The following TRPM4 variants were observed in gnomAD, a reference collection of about 807,000 sequenced individuals.
The protein encoded by TRPM4 is transient receptor potential cation channel subfamily M member 4.
Under a neutral mutation model 135.6 loss-of-function variants are expected in TRPM4, and 124 were observed. The observed-to-expected ratio is 0.91, with a 90% CI of 0.79 to 1.06. The LOEUF is 1.06. Ranked by LOEUF, TRPM4 falls within the 50% of genes least tolerant of loss-of-function variation. TRPM4 has a pLI of 0.00. For synonymous variants in TRPM4, 745 were observed against 705.6 expected, an observed-to-expected ratio of 1.06 and a Z score of -0.88; for missense variants, 1,658 against 1,671.4, an observed-to-expected ratio of 0.99 and a Z score of 0.14.
At chr19:49,193,612 A>G (rs1175801) in intron 16 of TRPM4, among the ~76,000 whole-genome samples, 19,177 of 151,902 alleles carry the variant, frequency 0.13, 1,958 homozygotes, top group African/African-American at 0.28. Context: ...AGATCCCCCC[A>G]GAGAGGCTGG....
chr19:49,168,674 GC>G lies in TRPM4; in HGVS notation c.735del (p.Glu246ArgfsTer32), dbSNP rs1568459962. 6.2e-7 allele frequency: 1 copy of G among 1,612,404 alleles called. No homozygotes were observed. Among genetic ancestry groups the G allele is most frequent in the East Asian group, 2.2e-5 (1 of 44,848 alleles). Reference protein sequence around the residue: ...VDDGTHGCLGGENRFRLRLES... With the variant: ...VDDGTHGCLGXENRFRLRLES... ...GACGGCACACACGGCTGCCTGGGGG[GC>G]GAGAACCGCTTCCGCTTGCGCCTGG... On this transcript the variant is annotated frameshift_variant, in exon 6 of 25. Transcript: ENST00000252826. LOFTEE classifies it high-confidence loss of function.
In TRPM4 at chr19:49,202,140, A is replaced by T. The variant is rs780227965; in HGVS notation, c.3130A>T (p.Ser1044Cys). The T allele has an allele frequency of 4.3e-6, 7 of 1,613,866 alleles. No individual in the cohort carries two copies. Among genetic ancestry groups the T allele is most frequent in the Non-Finnish European group, 5.9e-6 (7 of 1,180,020 alleles). Residue 1044 changes from serine (S) to cysteine (C), a missense_variant and splice_region_variant, in exon 20 of 25, where the codon AGT becomes TGT. By Grantham distance (112) the Ser-to-Cys change is moderately radical. Coordinates refer to ENST00000252826, the MANE Select transcript of TRPM4 (RefSeq NM_017636.4). The part of the protein sequence containing the change: ...LLVNLLIAMF[S>C]YTFGKVQGNS... The stretch of plus-strand genomic sequence containing the variant: ...GGTCAACTTGCTCATTGCCATGTTC[A>T]GGTGAGGCCTGACTGCTCTCTGATC...
In TRPM4 at chr19:49,181,033, A is replaced by C. The variant is rs147121565; in HGVS notation, c.1151-316A>C. On this transcript the variant is annotated intron_variant, in intron 9 of 24. Coordinates refer to ENST00000252826, the MANE Select transcript of TRPM4 (RefSeq NM_017636.4). ...CCAATAGAACCAGCTTCTTCAGGGTAGGAACTGTATCTGATTTCTCTCTCC... is the reference window on the plus strand; with the variant it reads ...CCAATAGAACCAGCTTCTTCAGGGTCGGAACTGTATCTGATTTCTCTCTCC... Among the ~76,000 whole-genome samples, 495 of 152,204 alleles carry C rather than the reference A, an allele frequency of 3.3e-3. 4 individuals carry two copies. The highest frequency in any genetic ancestry group is 0.011 in the African/African-American group (473 of 41,524).
intron 15 of TRPM4, 147 bp from the exon 16 acceptor site, chr19:49,190,549 G>A (rs1368554721): frequency 6.8e-6 from 6 of 882,328 alleles, no homozygotes; most frequent in South Asian, 1.6e-5. Context: ...CATGGCTCTG[G>A]GGGAAGGTCC....
intron 9 of TRPM4, among the ~76,000 whole-genome samples, chr19:49,178,392 G>A (rs1243609146): frequency 6.6e-6 from 1 of 152,104 alleles, no homozygotes; most frequent in African/African-American, 2.4e-5. Flanking sequence ...AGACTGCAGT[G>A]ATGGTGTTTG....
At chr19:49,197,469 CTCCCTCCTTCCT>C (rs1462603466) in intron 17 of TRPM4, among the ~76,000 whole-genome samples, 1 of 54,300 alleles carries the variant, frequency 1.8e-5, no homozygotes, top group Non-Finnish European at 3.6e-5. Flanking sequence ...CTCTGCCTCC[CTCCCTCCTTCCT>C]TCCTTCCTTC....
Position 49,171,763 on chromosome 19 carries a change from G to A in TRPM4, c.1044G>A (p.Gln348=). 1.2e-6 allele frequency: 2 copies of A among 1,609,654 alleles called. No individual in the cohort carries two copies. The highest frequency in any genetic ancestry group is 1.1e-5 in the South Asian group (1 of 91,056). The change falls in exon 8 of 25, where the codon CAG becomes CAA. Residue 348 remains glutamine, a synonymous_variant. Coordinates refer to ENST00000252826, the MANE Select transcript of TRPM4 (RefSeq NM_017636.4). The surrounding 1 kb of genome is among the most constrained non-coding windows in gnomAD (Gnocchi z 4.7). The part of the protein sequence containing the change: ...FFPKGDLEVL[Q]AQVERIMTRK... ...CCAAAGGGGACCTTGAGGTCCTGCA[G>A]GCCCAGGTATGACACTGGGGGCCCA...
intron 12 of TRPM4, among the ~76,000 whole-genome samples, chr19:49,184,008 G>A (rs1968103497): frequency 6.6e-6 from 1 of 152,016 alleles, no homozygotes; most frequent in African/African-American, 2.4e-5. Context: ...TGATCTGTCT[G>A]CCTTGGCCTC....
chr19:49,170,243 C>T (rs1464701272), intron 6 of TRPM4, among the ~76,000 whole-genome samples: 1 of 152,146 alleles, frequency 6.6e-6, no homozygotes, highest in African/African-American at 2.4e-5. Context: ...GGCTGGAGTG[C>T]AGTGGCGTGA....
chr19:49,210,821 G>A lies in TRPM4; in HGVS notation c.3440G>A (p.Arg1147His). The A allele has an allele frequency of 1.2e-6, 2 of 1,612,582 alleles. No individual in the cohort carries two copies. The highest frequency in any genetic ancestry group is 8.5e-7 in the Non-Finnish European group (1 of 1,179,598). ...GACAAGCGGGAGAGCGACTCCGAGC[G>A]TCTGAAGCGCACGTCCCAGAAGTGA... ...ARDKRESDSE[R>H]LKRTSQKVDL... The change falls in exon 22 of 25, where the codon CGT becomes CAT. Residue 1147 changes from arginine (R) to histidine (H), a missense_variant. Transcript: ENST00000252826. The surrounding 1 kb of genome is among the most constrained non-coding windows in gnomAD (Gnocchi z 4.1).
chr19:49,185,078 T>G (rs548354953), intron 12 of TRPM4, among the ~76,000 whole-genome samples: 1 of 152,164 alleles, frequency 6.6e-6, no homozygotes, highest in Admixed American at 6.6e-5. Flanking sequence ...TCCCTTTAGT[T>G]CTTTTTTCAT....
Position 49,171,806 on chromosome 19 carries a change from G to T in TRPM4, c.1050+37G>T. ...GGGGCCCAACTCTGGATCCTGAGAT[G>T]GGAGGGAACTGGGGACTTGGGCTCC... On this transcript the variant is annotated intron_variant, in intron 8 of 24. Coordinates refer to ENST00000252826, the MANE Select transcript of TRPM4 (RefSeq NM_017636.4). The surrounding 1 kb of genome is among the most constrained non-coding windows in gnomAD (Gnocchi z 4.7). The T allele has an allele frequency of 1.3e-6, 2 of 1,597,092 alleles. No individual in the cohort carries two copies. The highest frequency in any genetic ancestry group is 1.7e-6 in the Non-Finnish European group (2 of 1,171,760).
intron 19 of TRPM4, among the ~76,000 whole-genome samples, chr19:49,201,482 T>C (rs1968933057): frequency 6.6e-6 from 1 of 152,254 alleles, no homozygotes; most frequent in Non-Finnish European, 1.5e-5. Context: ...ATTGATTTAT[T>C]TTTTATGGCT....
Position 49,168,298 on chromosome 19 carries a change from G to T in TRPM4, c.487G>T (p.Gly163Cys), listed in dbSNP as rs770211728. 6.2e-7 allele frequency: 1 copy of T among 1,614,154 alleles called. No individual in the cohort carries two copies. Among genetic ancestry groups the T allele is most frequent in the Non-Finnish European group, 8.5e-7 (1 of 1,180,042 alleles). The change falls in exon 5 of 25, where the codon GGC becomes TGC. Residue 163 changes from glycine (G) to cysteine (C), a missense_variant. Gly to Cys is a radical substitution (Grantham distance 159). Transcript: ENST00000252826. ...CACTGGGGGTCTGCACACGGGCATC[G>T]GCCGGCATGTTGGTGTGGCTGTACG... is the stretch of plus-strand genomic sequence containing the variant. ...IVTGGLHTGIGRHVGVAVRDH... is the reference protein window; with the variant it reads ...IVTGGLHTGICRHVGVAVRDH...
rs772389167 is a variant in TRPM4 at position 49,171,552 on chromosome 19, GA to G, written c.859-24del. 20 of 1,613,924 alleles carry G rather than the reference GA, an allele frequency of 1.2e-5. No homozygotes were observed. In the South Asian group the frequency reaches 2.2e-4, roughly 18 times the overall value. On this transcript the variant is annotated intron_variant, in intron 7 of 24. Transcript: ENST00000252826. This position sits in a 1 kb window ranked among gnomAD's most constrained non-coding sequence, Gnocchi z 4.7. The stretch of plus-strand genomic sequence containing the variant: ...AATATCCTGCCTTTTCTGACGTGAT[GA>G]ATAAAGAATGCCTTTATCCTGTAGC...
At chr19:49,189,646 G>A (rs1387775414) in intron 14 of TRPM4, among the ~76,000 whole-genome samples, 1 of 151,448 alleles carries the variant, frequency 6.6e-6, no homozygotes, top group African/African-American at 2.4e-5. Flanking sequence ...CAGTCTCTCC[G>A]ATCCTGACAA....
intron 20 of TRPM4, among the ~76,000 whole-genome samples, chr19:49,203,728 C>G (rs1056167656): frequency 2.0e-5 from 3 of 152,170 alleles, no homozygotes; most frequent in Non-Finnish European, 2.9e-5. Flanking sequence ...CTTTTGGTGT[C>G]TGGCTGATTT....
Position 49,210,176 on chromosome 19 carries a change from C to T in TRPM4, c.3132-33C>T, listed in dbSNP as rs567825260. The T allele has an allele frequency of 1.2e-6, 2 of 1,612,722 alleles. No homozygotes were observed. Among genetic ancestry groups the T allele is most frequent in the African/African-American group, 1.3e-5 (1 of 75,050 alleles). Reference sequence around the variant, plus strand: ...GTCCTTGCCCCTGGCTGGGCCCTGACCTCAAGTGACCTTTGACCTCTGGCC... The same window carrying T: ...GTCCTTGCCCCTGGCTGGGCCCTGATCTCAAGTGACCTTTGACCTCTGGCC... On this transcript the variant is annotated intron_variant, in intron 20 of 24. Transcript: ENST00000252826. The surrounding 1 kb of genome is among the most constrained non-coding windows in gnomAD (Gnocchi z 4.1).
intron 17 of TRPM4, among the ~76,000 whole-genome samples, chr19:49,199,706 C>G (rs955034067): frequency 1.3e-5 from 2 of 151,568 alleles, no homozygotes. Context: ...TTTTCACTTT[C>G]ACTTTTGTAT....
Sources: allele counts gnomAD v4.1 joint callset (sites outside exome capture counted in the v4.1 genomes callset), GRCh38; gene constraint gnomAD v4.1.1; non-coding constraint Gnocchi (gnomAD v3.1); transcripts MANE v1.5; gene names NCBI Gene and HGNC (gene_info 2026-07-23, HGNC 2026-07-21).